Variants in POT1 observed in about 807,000 individuals in gnomAD.
POT1 encodes the protein protection of telomeres 1.
POT1 carries 47 observed loss-of-function variants against 78.5 expected under a neutral mutation model. The ratio of observed to expected loss-of-function variants is 0.60; its 90% CI spans 0.47 to 0.76. The LOEUF (loss-of-function observed/expected upper bound fraction) is 0.76, where lower values mean the gene tolerates loss of function less well. Among genes scored for constraint, POT1 ranks in the 30% least tolerant of loss-of-function variants. The pLI is 0.00. For synonymous variants in POT1, 259 were observed against 260.7 expected, an observed-to-expected ratio of 0.99 and a Z score of 0.06; for missense variants, 646 against 749.9, an observed-to-expected ratio of 0.86 and a Z score of 1.62.
intron 11 of POT1, among the ~76,000 whole-genome samples, 199 bp from the exon 12 acceptor site, chr7:124,847,197 A>G (rs1484392986): frequency 1.3e-5 from 2 of 152,266 alleles, no homozygotes; most frequent in Non-Finnish European, 2.9e-5. Context: ...TAATCCTTCG[A>G]AAATAGCAGA....
intron 3 of POT1, among the ~76,000 whole-genome samples, chr7:124,913,764 T>C (rs1412383661): frequency 6.6e-6 from 1 of 152,198 alleles, no homozygotes; most frequent in Non-Finnish European, 1.5e-5. Context: ...TTTTATTCCT[T>C]CCCTTCTAAT....
At chr7:124,850,429 G>GAATTAAAT (rs1795274481) in intron 11 of POT1, among the ~76,000 whole-genome samples, 1 of 152,144 alleles carries the variant, frequency 6.6e-6, no homozygotes, top group Admixed American at 6.5e-5. Context: ...AGTGTTGTTA[G>GAATTAAAT]AATTAAATAA....
At chr7:124,858,537 A>T (rs1159489322) in intron 9 of POT1, among the ~76,000 whole-genome samples, 1 of 152,016 alleles carries the variant, frequency 6.6e-6, no homozygotes, top group Non-Finnish European at 1.5e-5. Context: ...AAATATTACA[A>T]TTATAACAAA....
chr7:124,900,819 G>A (rs1013443641), intron 3 of POT1: 6 of 393,614 alleles, frequency 1.5e-5, no homozygotes, highest in East Asian at 8.0e-5. Flanking sequence ...CTTTTCCAAC[G>A]GTCTTAGCAA....
chr7:124,881,238 A>G (rs1240990181), intron 6 of POT1, among the ~76,000 whole-genome samples: 1 of 151,960 alleles, frequency 6.6e-6, no homozygotes, highest in East Asian at 1.9e-4. Context: ...ACTACACATC[A>G]GTCATTTCCC....
intron 6 of POT1, among the ~76,000 whole-genome samples, chr7:124,877,706 G>A (rs1166280293): frequency 6.6e-6 from 1 of 151,444 alleles, no homozygotes. Flanking sequence ...GGTGGCGGGC[G>A]CCTGTAGTCC....
chr7:124,851,681 G>A (rs1002878300), intron 11 of POT1, 191 bp downstream of exon 11: 3 of 572,988 alleles, frequency 5.2e-6, no homozygotes, highest in Non-Finnish European at 9.3e-6. Context: ...ATTTGAAAAC[G>A]TAATTATATA....
chr7:124,835,219 G>T, intron 15 of POT1, 60 bp downstream of exon 15: 2 of 1,580,580 alleles, frequency 1.3e-6, no homozygotes, highest in South Asian at 2.2e-5. Context: ...TTCAGCACAT[G>T]ACCCCAGAAC....
intron 7 of POT1, among the ~76,000 whole-genome samples, chr7:124,870,177 A>G (rs1795833245): frequency 6.6e-6 from 1 of 152,212 alleles, no homozygotes; most frequent in African/African-American, 2.4e-5. Flanking sequence ...AAATATTTAA[A>G]AGCTGTCCAA....
intron 6 of POT1, among the ~76,000 whole-genome samples, chr7:124,887,823 T>A (rs950532256): frequency 2.0e-5 from 3 of 152,114 alleles, no homozygotes; most frequent in African/African-American, 7.2e-5. Flanking sequence ...TTTAGTAAAA[T>A]TAAATTAAAC....
At chr7:124,908,390 T>C (rs1467884357) in intron 3 of POT1, among the ~76,000 whole-genome samples, 1 of 151,966 alleles carries the variant, frequency 6.6e-6, no homozygotes, top group Non-Finnish European at 1.5e-5. Context: ...AATTCTTAAA[T>C]TGCCTACAAA....
intron 7 of POT1, among the ~76,000 whole-genome samples, chr7:124,867,038 T>C (rs1212609435): frequency 6.6e-6 from 1 of 152,236 alleles, no homozygotes; most frequent in Non-Finnish European, 1.5e-5. Context: ...GTGTATACTG[T>C]TGACTAAAGC....
chr7:124,824,153 C>G (rs1794575580), intron 18 of POT1, 79 bp from the exon 19 acceptor site: 1 of 765,384 alleles, frequency 1.3e-6, no homozygotes, highest in Non-Finnish European at 2.1e-6. Context: ...CTAAGCTTAC[C>G]ACTGAGCTAG....
intron 3 of POT1, among the ~76,000 whole-genome samples, chr7:124,910,547 GGTTAAAT>G (rs1189164614): frequency 6.6e-6 from 1 of 151,720 alleles, no homozygotes; most frequent in East Asian, 1.9e-4. Flanking sequence ...GAAAAAAACT[GGTTAAAT>G]GTTAAAAATT....
chr7:124,899,142 A>G (rs1796560854), intron 3 of POT1, among the ~76,000 whole-genome samples: 1 of 152,168 alleles, frequency 6.6e-6, no homozygotes, highest in African/African-American at 2.4e-5. Flanking sequence ...TGCACATACA[A>G]GGGCCTGGTG....
At chr7:124,871,946 T>C (rs1008366840) in intron 6 of POT1, among the ~76,000 whole-genome samples, 1 of 152,154 alleles carries the variant, frequency 6.6e-6, no homozygotes, top group Non-Finnish European at 1.5e-5. Flanking sequence ...ATAGTCACTA[T>C]GTTATACAAT....
intron 2 of POT1, among the ~76,000 whole-genome samples, chr7:124,927,605 CT>C (rs1202235093): frequency 6.6e-6 from 1 of 152,160 alleles, no homozygotes. Flanking sequence ...ATTCATACTA[CT>C]TTCTTTCACT....
At chr7:124,872,032 C>A (rs1795883075) in intron 6 of POT1, among the ~76,000 whole-genome samples, 1 of 152,084 alleles carries the variant, frequency 6.6e-6, no homozygotes, top group Admixed American at 6.6e-5. Context: ...CTTCCCATAA[C>A]CACACAGACC....
At chr7:124,842,743 A>G (rs1795057864) in intron 13 of POT1, 64 bp downstream of exon 13, 1 of 1,290,706 alleles carries the variant, frequency 7.7e-7, no homozygotes, top group African/African-American at 1.5e-5. Flanking sequence ...ACAAAATTAT[A>G]CATATGTGTA....
Sources: gnomAD v4.1 joint callset for allele counts (sites outside exome capture counted in the v4.1 genomes callset) on GRCh38, gnomAD v4.1.1 for gene constraint, MANE v1.5 for transcripts, NCBI Gene and HGNC (gene_info 2026-07-23, HGNC 2026-07-21) for gene names.